Variants in CCDC191 observed in about 807,000 individuals in gnomAD.
CCDC191 encodes the protein coiled-coil domain containing 191, also known as coiled-coil domain-containing protein 191.
Under a neutral mutation model 114.0 loss-of-function variants are expected in CCDC191, and 99 were observed. That is an observed-to-expected ratio of 0.87 (90% confidence interval 0.74 to 1.03). The LOEUF is 1.03. Ranked by LOEUF, CCDC191 falls within the 50% of genes least tolerant of loss-of-function variation. The pLI is 0.00. For synonymous variants in CCDC191, 351 were observed against 376.0 expected, an observed-to-expected ratio of 0.93 and a Z score of 0.77; for missense variants, 973 against 1,087.0, an observed-to-expected ratio of 0.90 and a Z score of 1.47.
chr3:114,055,222 CTA>C lies in CCDC191; in HGVS notation c.90+1153_90+1154del, dbSNP rs1436265434. Among the ~76,000 whole-genome samples, 8 of 152,078 alleles carry C rather than the reference CTA, an allele frequency of 5.3e-5. 1 individual carries two copies. Among genetic ancestry groups the C allele is most frequent in the South Asian group, 4.1e-4 (2 of 4,826 alleles). On this transcript the variant is annotated intron_variant, in intron 1 of 16. Coordinates refer to ENST00000295878, the MANE Select transcript of CCDC191 (RefSeq NM_020817.2). ...AAATACAACTGAACTTGAAGAAGCC[CTA>C]TGTTTTTACCTTTTTTTCTCTAGGC... is the stretch of plus-strand genomic sequence containing the variant.
rs943469371 is a variant in CCDC191 at position 113,965,093 on chromosome 3, G to T, written c.*62C>A. 1 of 946,052 alleles carries T rather than the reference G, an allele frequency of 1.1e-6. No individual in the cohort carries two copies. The highest frequency in any genetic ancestry group is 1.6e-6 in the Non-Finnish European group (1 of 630,256). 58.6% of individuals were successfully genotyped at this position (946,052 alleles called of 1,614,324 possible). ...TGTATGTATGTATGTGTGTGGGTGGGTGGAGATAACACACATACAGACTAG... is the reference window on the plus strand; with the variant it reads ...TGTATGTATGTATGTGTGTGGGTGGTTGGAGATAACACACATACAGACTAG... On this transcript the variant is annotated 3_prime_UTR_variant, in exon 17 of 17. Coordinates refer to ENST00000295878, the MANE Select transcript of CCDC191 (RefSeq NM_020817.2).
intron 8 of CCDC191, among the ~76,000 whole-genome samples, chr3:114,015,767 G>A (rs933924959): frequency 6.6e-6 from 1 of 152,132 alleles, no homozygotes; most frequent in Non-Finnish European, 1.5e-5. Context: ...AATATTGTAA[G>A]GACATTTTGT....
chr3:114,005,006 A>G (rs180954631), intron 10 of CCDC191, among the ~76,000 whole-genome samples: 8 of 152,318 alleles, frequency 5.3e-5, no homozygotes, highest in Admixed American at 1.3e-4. Context: ...ATCTTATCCT[A>G]CCATTTACCA....
In CCDC191 at chr3:114,029,038, G is replaced by A. The variant is rs138826299; in HGVS notation, c.972+2588C>T. 9.2e-5 allele frequency among the ~76,000 whole-genome samples: 14 copies of A among 151,990 alleles called. No homozygotes were observed. In the East Asian group the frequency reaches 2.5e-3, roughly 27 times the overall value. On this transcript the variant is annotated intron_variant, in intron 7 of 16. Coordinates refer to ENST00000295878, the MANE Select transcript of CCDC191 (RefSeq NM_020817.2). ...CGGCCTAGAAAAAAATGACACTCCA[G>A]TAGCAGTGAACACACTTAGTGCCTA...
Position 114,005,887 on chromosome 3 carries a change from T to C in CCDC191, c.1489A>G (p.Arg497Gly). 6.2e-7 allele frequency: 1 copy of C among 1,614,088 alleles called. No individual in the cohort carries two copies. The highest frequency in any genetic ancestry group is 8.5e-7 in the Non-Finnish European group (1 of 1,179,980). ...SGCMLSPPLG[R>G]TTTGNLQGSL... is the part of the protein sequence containing the mutation. ...CCCTGCAAGTTGCCTGTTGTTGTTC[T>C]TCCCAGGGGAGGACTGAGCATACAA... The change falls in exon 10 of 17, where the codon AGA (arginine) becomes GGA (glycine). Residue 497 changes from arginine to glycine, a missense_variant. Arg to Gly is a moderately radical substitution (Grantham distance 125, BLOSUM62 -2). Transcript: ENST00000295878.
Position 114,008,178 on chromosome 3 carries a change from CT to C in CCDC191, c.1414-2217del, listed in dbSNP as rs34788479. 7.3e-3 allele frequency among the ~76,000 whole-genome samples: 960 copies of C among 132,154 alleles called. 8 individuals carry two copies. Among genetic ancestry groups the C allele is most frequent in the African/African-American group, 0.018 (640 of 36,210 alleles). 86.7% of individuals were successfully genotyped at this position (132,154 alleles called of 152,430 possible). On this transcript the variant is annotated intron_variant, in intron 9 of 16. Transcript: ENST00000295878. ...ACAGGTAAAAAATACTTTCTGCTGA[CT>C]TTTTTTTTTTTTTCATTTAAGAACA...
chr3:114,010,318 G>C, intron 9 of CCDC191, among the ~76,000 whole-genome samples: 1 of 152,132 alleles, frequency 6.6e-6, no homozygotes, highest in East Asian at 1.9e-4. Flanking sequence ...ATCTATAGAT[G>C]ACAGAATTAT....
At chr3:113,997,831 T>C (rs2075763514) in intron 13 of CCDC191, among the ~76,000 whole-genome samples, 1 of 152,182 alleles carries the variant, frequency 6.6e-6, no homozygotes, top group African/African-American at 2.4e-5. Context: ...AGTGATACTG[T>C]GGTTATTCTA....
At chr3:114,046,484 G>T in intron 3 of CCDC191, 107 bp downstream of exon 3, 1 of 752,774 alleles carries the variant, frequency 1.3e-6, no homozygotes. Context: ...AGAAAGAAAG[G>T]GAAATTAAGA....
intron 11 of CCDC191, chr3:114,003,433 T>C (rs2075891046): frequency 1.0e-6 from 1 of 985,302 alleles, no homozygotes; most frequent in African/African-American, 1.7e-5. Flanking sequence ...AGAATGGTAG[T>C]GCCACAGATG....
intron 13 of CCDC191, among the ~76,000 whole-genome samples, chr3:113,982,723 G>T (rs1002471266): frequency 2.0e-5 from 3 of 151,852 alleles, no homozygotes; most frequent in African/African-American, 7.3e-5. Context: ...TTGTGCTCTA[G>T]AATATATTCC....
intron 7 of CCDC191, among the ~76,000 whole-genome samples, chr3:114,024,468 A>C (rs2076290020): frequency 6.6e-6 from 1 of 152,252 alleles, no homozygotes; most frequent in African/African-American, 2.4e-5. Flanking sequence ...CAACAATGAT[A>C]GACTGGATTA....
At chr3:114,008,686 T>C (rs1411366321) in intron 9 of CCDC191, among the ~76,000 whole-genome samples, 2 of 152,060 alleles carry the variant, frequency 1.3e-5, no homozygotes, top group Non-Finnish European at 2.9e-5. Flanking sequence ...ATGTTTGCAA[T>C]ATATAATAAT....
chr3:114,028,997 G>C (rs1027322588), intron 7 of CCDC191, among the ~76,000 whole-genome samples: 4 of 150,852 alleles, frequency 2.7e-5, no homozygotes, highest in African/African-American at 7.3e-5. Context: ...ATATATTTTA[G>C]CTCTGTCTGC....
chr3:113,992,584 G>A (rs898296909), intron 13 of CCDC191, among the ~76,000 whole-genome samples: 6 of 152,142 alleles, frequency 3.9e-5, no homozygotes, highest in Non-Finnish European at 8.8e-5. Context: ...TTGTGGGATG[G>A]GGGGAGGGGG....
intron 16 of CCDC191, among the ~76,000 whole-genome samples, chr3:113,977,620 T>C (rs1264697349): frequency 6.6e-6 from 1 of 152,148 alleles, no homozygotes; most frequent in Non-Finnish European, 1.5e-5. Flanking sequence ...GGCTGCATAC[T>C]TAGGAGAAAA....
At chr3:113,965,718 C>T (rs6767693) in intron 16 of CCDC191, among the ~76,000 whole-genome samples, 73,515 of 151,888 alleles carry the variant, frequency 0.48, 17,934 homozygotes, top group Middle Eastern at 0.57. Context: ...GCCTCCCAAG[C>T]AGCTGGGATT....
chr3:114,015,184 A>C (rs376820106), intron 8 of CCDC191, among the ~76,000 whole-genome samples: 31 of 152,142 alleles, frequency 2.0e-4, no homozygotes, highest in African/African-American at 6.5e-4. Context: ...GAGGGATAAC[A>C]TATCAAGTGA....
In CCDC191 at chr3:113,965,091, G is replaced by T; in HGVS notation, c.*64C>A. 1 of 887,682 alleles carries T rather than the reference G, an allele frequency of 1.1e-6. No individual in the cohort carries two copies. Among genetic ancestry groups the T allele is most frequent in the Non-Finnish European group, 1.7e-6 (1 of 577,482 alleles). 55.0% of individuals were successfully genotyped at this position (887,682 alleles called of 1,614,324 possible). On this transcript the variant is annotated 3_prime_UTR_variant, in exon 17 of 17. Transcript: ENST00000295878. The stretch of plus-strand genomic sequence containing the variant: ...GGTGTATGTATGTATGTGTGTGGGT[G>T]GGTGGAGATAACACACATACAGACT...
Sources: allele counts gnomAD v4.1 joint callset (sites outside exome capture counted in the v4.1 genomes callset), GRCh38; gene constraint gnomAD v4.1.1; transcripts MANE v1.5; gene names NCBI Gene and HGNC (gene_info 2026-07-23, HGNC 2026-07-21).